MAFK: variants seen among roughly 807,000 people sequenced by gnomAD.
MAFK encodes the protein MAF bZIP transcription factor K, also known as transcription factor MafK.
In MAFK, 1 loss-of-function variant was observed where a neutral mutation model predicts 9.2. That is an observed-to-expected ratio of 0.11 (90% CI 0.04 to 0.52). MAFK has a LOEUF of 0.52. Ranked by LOEUF, MAFK falls within the 20% of genes least tolerant of loss-of-function variation. The probability of loss-of-function intolerance (pLI) is 0.94; values close to 1 mark genes in which losing one functional copy is unlikely to be tolerated. For synonymous variants in MAFK, 110 were observed against 107.4 expected (o/e 1.02, Z -0.15); for missense variants, 207 against 236.0 (o/e 0.88, Z 0.81).
chr7:1,536,427 C>T (rs911874545), intron 1 of MAFK, among the ~76,000 whole-genome samples: 2 of 152,128 alleles, frequency 1.3e-5, no homozygotes, highest in Non-Finnish European at 2.9e-5. Context: ...GCCTTGGGCC[C>T]GGGGTAGTGC....
intron 1 of MAFK, among the ~76,000 whole-genome samples, chr7:1,537,023 G>A (rs1784047265): frequency 6.6e-6 from 1 of 152,258 alleles, no homozygotes; most frequent in South Asian, 2.1e-4. Context: ...GCGGGGCACA[G>A]GCGTGCTTCA....
At position 1,534,175 on chromosome 7, in the gene MAFK, A is replaced by G. The variant is rs763786389; in HGVS notation, c.-45+3277A>G. ...GGGTGCCAAGTGGGGTGCCTCCCGCATGCTTAGTGGGGCTGTGTCCGGGAC... is the reference window on the plus strand; with the variant it reads ...GGGTGCCAAGTGGGGTGCCTCCCGCGTGCTTAGTGGGGCTGTGTCCGGGAC... On this transcript the variant is annotated intron_variant, in intron 1 of 2. Transcript: ENST00000343242. This position sits in a 1 kb window ranked among gnomAD's most constrained non-coding sequence, Gnocchi z 4.3. 2.7e-5 allele frequency: 12 copies of G among 450,152 alleles called. 1 individual carries two copies. Among genetic ancestry groups the G allele is most frequent in the South Asian group, 1.9e-4 (12 of 64,368 alleles). The allele number at this position is 450,152 out of a possible 1,614,324, so 27.9% of individuals were successfully genotyped here. A position where few individuals can be genotyped will look rare whatever the true frequency, so the allele number is the denominator to read the frequency against.
intron 1 of MAFK, chr7:1,537,720 G>C (rs1399158541): frequency 1.0e-6 from 1 of 985,364 alleles, no homozygotes; most frequent in African/African-American, 1.7e-5. Flanking sequence ...TCTTGTTGTG[G>C]GGGTTTGTGG....
At chr7:1,533,268 C>T (rs1052589116) in intron 1 of MAFK, among the ~76,000 whole-genome samples, 1 of 152,186 alleles carries the variant, frequency 6.6e-6, no homozygotes. Context: ...TGGAGACTGC[C>T]CTCTCCCTGC....
intron 1 of MAFK, 45 bp from the exon 2 acceptor site, chr7:1,539,104 C>G: frequency 5.3e-6 from 8 of 1,515,856 alleles, no homozygotes; most frequent in Non-Finnish European, 6.4e-6. Context: ...CCGGCGCTGC[C>G]GGCCCTGACC....
intron 2 of MAFK, 56 bp from the exon 3 acceptor site, chr7:1,539,885 T>G (rs975219948): frequency 7.5e-5 from 106 of 1,417,854 alleles, no homozygotes; most frequent in Non-Finnish European, 8.5e-5. Context: ...CCAGTGTCGG[T>G]CCCAGGCAGA....
At position 1,540,096 on chromosome 7, in the gene MAFK, C is replaced by T. The variant is rs769419154; in HGVS notation, c.192C>T (p.Tyr64=). 4.5e-6 allele frequency: 7 copies of T among 1,567,520 alleles called. No homozygotes were observed. Among genetic ancestry groups the T allele is most frequent in the East Asian group, 4.7e-5 (2 of 42,554 alleles). Residue 64 remains tyrosine (Y), a synonymous_variant, in exon 3 of 3, where the codon TAC becomes TAT. Coordinates refer to ENST00000343242, the MANE Select transcript of MAFK (RefSeq NM_002360.4). ...GGCGCACACTCAAGAACCGCGGCTA[C>T]GCGGCCAGCTGCCGCATCAAGCGGG... ...QRRRTLKNRG[Y]AASCRIKRVT... is the part of the protein sequence containing the mutation.
At chr7:1,535,702 C>T (rs1042255371) in intron 1 of MAFK, among the ~76,000 whole-genome samples, 8 of 152,220 alleles carry the variant, frequency 5.3e-5, no homozygotes, top group African/African-American at 1.9e-4. Flanking sequence ...GAGGTGGCTG[C>T]CTGGGGATCA....
At chr7:1,539,594 T>C (rs1784126108) in intron 2 of MAFK, among the ~76,000 whole-genome samples, 1 of 152,216 alleles carries the variant, frequency 6.6e-6, no homozygotes, top group Non-Finnish European at 1.5e-5. Flanking sequence ...AGCCCACCTG[T>C]GCCTGGCGCT....
chr7:1,540,029 G>A lies in MAFK; in HGVS notation c.125G>A (p.Arg42Gln), dbSNP rs1302432217. The change falls in exon 3 of 3, where the codon CGG (arginine) becomes CAG (glutamine). Residue 42 changes from arginine (R) to glutamine (Q), a missense_variant. Arg to Gln is a conservative substitution (Grantham distance 43, BLOSUM62 1). Coordinates refer to ENST00000343242, the MANE Select transcript of MAFK (RefSeq NM_002360.4). ...GTGCGGGAGCTGAACCAGCACCTGC[G>A]GGGTCTCACCAAGGAGGAGGTGACC... ...MSVRELNQHL[R>Q]GLTKEEVTRL... is the part of the protein sequence containing the mutation. The A allele has an allele frequency of 8.3e-6, 13 of 1,559,502 alleles. No homozygotes were observed. The highest frequency in any genetic ancestry group is 7.2e-5 in the East Asian group (3 of 41,776).
chr7:1,531,824 C>T (rs1783914481), intron 1 of MAFK, among the ~76,000 whole-genome samples: 1 of 152,188 alleles, frequency 6.6e-6, no homozygotes, highest in African/African-American at 2.4e-5. Context: ...CCCTGCACTG[C>T]ATTCTCGCGC....
chr7:1,539,273 G>T, intron 2 of MAFK, 45 bp downstream of exon 2: 2 of 1,533,668 alleles, frequency 1.3e-6, no homozygotes, highest in Non-Finnish European at 1.8e-6. Context: ...ACAGGCGTGG[G>T]AAAGGCCCCC....
rs1308494764 is a variant in MAFK at position 1,532,073 on chromosome 7, T to C, written c.-45+1175T>C. 6.6e-6 allele frequency among the ~76,000 whole-genome samples: 1 copy of C among 152,196 alleles called. No homozygotes were observed. The highest frequency in any genetic ancestry group is 1.9e-4 in the East Asian group (1 of 5,198). ...CCCCCCACCGCCCCCCATCGTGGTC[T>C]AGGGGATATCTGTGTGGTTCGGCTC... On this transcript the variant is annotated intron_variant, in intron 1 of 2. Transcript: ENST00000343242. This position sits in a 1 kb window ranked among gnomAD's most constrained non-coding sequence, Gnocchi z 4.5.
intron 1 of MAFK, among the ~76,000 whole-genome samples, chr7:1,535,933 C>T (rs1784017302): frequency 6.6e-6 from 1 of 152,276 alleles, no homozygotes; most frequent in African/African-American, 2.4e-5. Flanking sequence ...CAGGAATTGC[C>T]TCTGTCTGAG....
chr7:1,538,148 G>A (rs768553037), intron 1 of MAFK: 4 of 442,934 alleles, frequency 9.0e-6, no homozygotes, highest in South Asian at 9.4e-5. Context: ...GGGCTGGCTC[G>A]GTCCCAAGGT....
intron 1 of MAFK, 148 bp downstream of exon 1, chr7:1,531,046 A>T (rs1175418141): frequency 6.9e-6 from 1 of 145,980 alleles, no homozygotes; most frequent in Non-Finnish European, 1.5e-5. Flanking sequence ...CGAGACCCTC[A>T]TGCGGCCCGC....
intron 1 of MAFK, chr7:1,537,452 G>A: frequency 1.0e-6 from 1 of 985,584 alleles, no homozygotes; most frequent in Non-Finnish European, 1.2e-6. Flanking sequence ...CCTCTGACAT[G>A]GAAAAGTTTC....
At position 1,540,573 on chromosome 7, in the gene MAFK, C is replaced by T; in HGVS notation, c.*198C>T. 4 of 594,708 alleles carry T rather than the reference C, an allele frequency of 6.7e-6. No homozygotes were observed. In the South Asian group the frequency reaches 8.6e-5, roughly 13 times the overall value. The allele number at this position is 594,708 out of a possible 1,614,324, so 36.8% of individuals were successfully genotyped here. ...GCTCCCGTGGGCCCAGAGCTGCACGCCGGTCCACAGACACACTCACGCCCG... is the reference window on the plus strand; with the variant it reads ...GCTCCCGTGGGCCCAGAGCTGCACGTCGGTCCACAGACACACTCACGCCCG... On this transcript the variant is annotated 3_prime_UTR_variant, in exon 3 of 3. Coordinates refer to ENST00000343242, the MANE Select transcript of MAFK (RefSeq NM_002360.4).
Position 1,532,105 on chromosome 7 carries a change from C to T in MAFK, c.-45+1207C>T, listed in dbSNP as rs942235771. ...TATCTGTGTGGTTCGGCTCTGGCAGCGCCCTTCCCACCCCTCTGATTCTCC... is the reference window on the plus strand; with the variant it reads ...TATCTGTGTGGTTCGGCTCTGGCAGTGCCCTTCCCACCCCTCTGATTCTCC... On this transcript the variant is annotated intron_variant, in intron 1 of 2. Coordinates refer to ENST00000343242, the MANE Select transcript of MAFK (RefSeq NM_002360.4). This position sits in a 1 kb window ranked among gnomAD's most constrained non-coding sequence, Gnocchi z 4.5. Among the ~76,000 whole-genome samples the T allele has an allele frequency of 2.0e-5, 3 of 152,240 alleles. No homozygotes were observed. The highest frequency in any genetic ancestry group is 7.2e-5 in the African/African-American group (3 of 41,454).
Sources: allele counts gnomAD v4.1 joint callset (sites outside exome capture counted in the v4.1 genomes callset), GRCh38; gene constraint gnomAD v4.1.1; non-coding constraint Gnocchi (gnomAD v3.1); transcripts MANE v1.5; gene names NCBI Gene and HGNC (gene_info 2026-07-23, HGNC 2026-07-21).